The following EEFSEC variants were observed in gnomAD, a reference collection of about 807,000 sequenced individuals.
The protein encoded by EEFSEC is eukaryotic elongation factor, selenocysteine-tRNA specific, also known as selenocysteine-specific elongation factor.
In EEFSEC, 43 loss-of-function variants were observed where a neutral mutation model predicts 42.1. The ratio of observed to expected loss-of-function variants is 1.02; its 90% CI spans 0.80 to 1.32. The LOEUF (loss-of-function observed/expected upper bound fraction) is 1.32. Ranked by LOEUF, EEFSEC falls within the 40% of genes most tolerant of loss-of-function variation. EEFSEC has a pLI of 0.00. For synonymous variants in EEFSEC, 354 were observed against 339.1 expected (o/e 1.04, Z -0.48); for missense variants, 745 against 803.6 (o/e 0.93, Z 0.88).
At chr3:128,157,906 G>T (rs1185327693) in intron 1 of EEFSEC, among the ~76,000 whole-genome samples, 1 of 152,176 alleles carries the variant, frequency 6.6e-6, no homozygotes. Flanking sequence ...AGCTGCCCAA[G>T]ATAATAATTC....
At chr3:128,345,063 C>T (rs2067297266) in intron 5 of EEFSEC, among the ~76,000 whole-genome samples, 1 of 152,146 alleles carries the variant, frequency 6.6e-6, no homozygotes, top group Non-Finnish European at 1.5e-5. Context: ...CAAGCCTGGG[C>T]TTTATTTACT....
downstream of EEFSEC, among the ~76,000 whole-genome samples, chr3:128,411,913 C>T (rs2068176725): frequency 6.6e-6 from 1 of 152,216 alleles, no homozygotes; most frequent in Admixed American, 6.5e-5. Flanking sequence ...CATCTCCAAG[C>T]CTGTGCTGAC....
At chr3:128,230,078 C>T (rs563362878) in intron 1 of EEFSEC, among the ~76,000 whole-genome samples, 7 of 149,472 alleles carry the variant, frequency 4.7e-5, no homozygotes, top group East Asian at 2.0e-4. Context: ...CTTTCTCGCC[C>T]GCTTTCTGTC....
chr3:128,302,252 A>G (rs2066777181), intron 4 of EEFSEC, among the ~76,000 whole-genome samples: 2 of 152,134 alleles, frequency 1.3e-5, no homozygotes, highest in Non-Finnish European at 2.9e-5. Flanking sequence ...TGCTATTTTA[A>G]TACTGTTTAA....
At chr3:128,299,696 C>T (rs1015704037) in intron 4 of EEFSEC, among the ~76,000 whole-genome samples, 13 of 152,180 alleles carry the variant, frequency 8.5e-5, no homozygotes, top group Admixed American at 3.9e-4. Flanking sequence ...AGCTGACTCC[C>T]TTGTGTGTTC....
chr3:128,418,381 C>CA, the EEFSEC span, among the ~76,000 whole-genome samples: 115 of 147,180 alleles, frequency 7.8e-4, no homozygotes, highest in African/African-American at 2.8e-3. Flanking sequence ...GTGCTCCCAA[C>CA]AGCAGGCGGC....
chr3:128,356,683 G>A (rs535431636), intron 5 of EEFSEC, among the ~76,000 whole-genome samples: 1 of 152,296 alleles, frequency 6.6e-6, no homozygotes, highest in South Asian at 2.1e-4. Context: ...AAAGTCCCCA[G>A]GCACCCTGCT....
At chr3:128,417,653 G>A in the EEFSEC span, among the ~76,000 whole-genome samples, 3 of 152,108 alleles carry the variant, frequency 2.0e-5, no homozygotes, top group Non-Finnish European at 2.9e-5. The surrounding 1 kb of genome is among the most constrained non-coding windows in gnomAD (Gnocchi z 4.3). Context: ...AGAGCACCCA[G>A]CACATGCCTG....
At chr3:128,214,603 A>C (rs547823116) in intron 1 of EEFSEC, among the ~76,000 whole-genome samples, 2 of 152,328 alleles carry the variant, frequency 1.3e-5, no homozygotes, top group African/African-American at 4.8e-5. Context: ...CTAAATTGAA[A>C]TTTTTGTCTC....
intron 1 of EEFSEC, among the ~76,000 whole-genome samples, chr3:128,234,378 A>G (rs2065987494): frequency 6.6e-6 from 1 of 152,148 alleles, no homozygotes; most frequent in South Asian, 2.1e-4. Flanking sequence ...TAAGCTTTTT[A>G]TTTCAAAGTC....
chr3:128,417,676 C>A, the EEFSEC span, among the ~76,000 whole-genome samples: 15 of 152,146 alleles, frequency 9.9e-5, no homozygotes, highest in Non-Finnish European at 2.2e-4. This position sits in a 1 kb window ranked among gnomAD's most constrained non-coding sequence, Gnocchi z 4.3. Flanking sequence ...GCTCCACACA[C>A]AGGAGCACTC....
chr3:128,156,356 TGA>T, intron 1 of EEFSEC, among the ~76,000 whole-genome samples: 2 of 152,206 alleles, frequency 1.3e-5, no homozygotes, highest in African/African-American at 4.8e-5. Context: ...AGGTAGTTAG[TGA>T]AACAGTCCAG....
At chr3:128,258,480 A>T (rs911489461) in intron 2 of EEFSEC, among the ~76,000 whole-genome samples, 33 of 152,202 alleles carry the variant, frequency 2.2e-4, no homozygotes, top group Non-Finnish European at 4.9e-4. Flanking sequence ...TAAAATGATA[A>T]TATAATACCT....
chr3:128,341,934 C>T (rs754107284), intron 5 of EEFSEC, 45 bp downstream of exon 5: 152 of 1,578,022 alleles, frequency 9.6e-5, no homozygotes, highest in South Asian at 5.5e-4. Flanking sequence ...CCTTCTTGCT[C>T]GGGCAGCTGG....
At chr3:128,195,506 A>G (rs546585193) in intron 1 of EEFSEC, among the ~76,000 whole-genome samples, 44 of 152,336 alleles carry the variant, frequency 2.9e-4, no homozygotes, top group African/African-American at 9.9e-4. Context: ...CTCCAAAGCC[A>G]AACTTGGAGC....
rs1280509371 is a variant in EEFSEC, at chr3:128,341,793, C to A, written c.1347C>A (p.Ile449=). The A allele has an allele frequency of 6.2e-7, 1 of 1,614,018 alleles. No homozygotes were observed. The highest frequency in any genetic ancestry group is 8.5e-7 in the Non-Finnish European group (1 of 1,180,048). The stretch of plus-strand genomic sequence containing the variant: ...CGTGCCGGCTAGCCTTCCATGGCAT[C>A]CTGCTCCACGGGCTAGAGGACAGGA... ...TNTCRLAFHG[I]LLHGLEDRNY... is the part of the protein sequence containing the mutation. The change falls in exon 5 of 7, where the codon ATC becomes ATA. Residue 449 remains isoleucine, a synonymous_variant. Coordinates refer to ENST00000254730, the MANE Select transcript of EEFSEC (RefSeq NM_021937.5).
chr3:128,307,466 T>C (rs1436593274), intron 4 of EEFSEC, among the ~76,000 whole-genome samples: 1 of 152,170 alleles, frequency 6.6e-6, no homozygotes, highest in Non-Finnish European at 1.5e-5. Context: ...CATGAAAACT[T>C]CCTGGAAGTT....
In EEFSEC at chr3:128,321,387, C is replaced by T. The variant is rs562407711; in HGVS notation, c.787-19846C>T. On this transcript the variant is annotated intron_variant, in intron 4 of 6. Transcript: ENST00000254730. ...CAAGTTCTGCCTCCATGAGCTGGCC[C>T]TCAGGGGGCAGCCACAGTGGGTGGA... Among the ~76,000 whole-genome samples the T allele has an allele frequency of 6.3e-4, 96 of 152,292 alleles. 1 individual carries two copies. The highest frequency in any genetic ancestry group is 8.2e-4 in the Non-Finnish European group (56 of 68,002).
intron 6 of EEFSEC, among the ~76,000 whole-genome samples, chr3:128,406,583 C>CA (rs1205137196): frequency 6.6e-6 from 1 of 151,942 alleles, no homozygotes; most frequent in Non-Finnish European, 1.5e-5. Context: ...TTAATCATTC[C>CA]AAAATGTATA....
Sources: allele counts gnomAD v4.1 joint callset (sites outside exome capture counted in the v4.1 genomes callset), GRCh38; gene constraint gnomAD v4.1.1; non-coding constraint Gnocchi (gnomAD v3.1); transcripts MANE v1.5; gene names NCBI Gene and HGNC (gene_info 2026-07-23, HGNC 2026-07-21).